ANKFN1: variants seen among roughly 807,000 people sequenced by gnomAD.
ANKFN1 encodes ankyrin repeat and fibronectin type-III domain-containing protein 1.
In ANKFN1, 74 loss-of-function variants were observed where a neutral mutation model predicts 108.7. The observed-to-expected ratio is 0.68, with a 90% confidence interval of 0.56 to 0.83. The LOEUF is 0.83. Among genes scored for constraint, ANKFN1 ranks in the 40% least tolerant of loss-of-function variants. The probability of loss-of-function intolerance (pLI) is 0.00; values close to 1 mark genes in which losing one functional copy is unlikely to be tolerated. For missense variants in ANKFN1, 1,505 were observed against 1,382.3 expected (o/e 1.09, Z -1.41); for synonymous variants, 547 against 516.2 (o/e 1.06, Z -0.81).
rs984827431 is a variant in ANKFN1, at chr17:56,512,511, C to T, written c.*1242C>T. On this transcript the variant is annotated 3_prime_UTR_variant, in exon 21 of 21. Transcript: ENST00000682825. Reference sequence around the variant, plus strand: ...GGAAATCTTGCTTTGGTCTCATTACCTCCTATCTGAATTTCTCACAGGAAT... The same window carrying T: ...GGAAATCTTGCTTTGGTCTCATTACTTCCTATCTGAATTTCTCACAGGAAT... Among the ~76,000 whole-genome samples, 1 of 152,178 alleles carries T rather than the reference C, an allele frequency of 6.6e-6. No homozygotes were observed. Among genetic ancestry groups the T allele is most frequent in the African/African-American group, 2.4e-5 (1 of 41,444 alleles).
intron 3 of ANKFN1, among the ~76,000 whole-genome samples, chr17:56,261,008 G>A (rs1452675491): frequency 6.6e-6 from 1 of 152,160 alleles, no homozygotes; most frequent in Non-Finnish European, 1.5e-5. Flanking sequence ...AACAGAGATC[G>A]GAATCTGTCC....
intron 1 of ANKFN1, among the ~76,000 whole-genome samples, chr17:56,204,924 T>C (rs1914400074): frequency 6.6e-6 from 1 of 151,596 alleles, no homozygotes; most frequent in Non-Finnish European, 1.5e-5. Flanking sequence ...AAACACAAAA[T>C]AATTAGCCAG....
chr17:56,428,545 C>T (rs969642551), intron 8 of ANKFN1, among the ~76,000 whole-genome samples: 1 of 151,264 alleles, frequency 6.6e-6, no homozygotes, highest in African/African-American at 2.4e-5. Context: ...TCACTGCAAC[C>T]TCCGCCTCCC....
At chr17:56,233,711 T>C (rs1916905287) in intron 3 of ANKFN1, among the ~76,000 whole-genome samples, 1 of 151,982 alleles carries the variant, frequency 6.6e-6, no homozygotes, top group Non-Finnish European at 1.5e-5. Flanking sequence ...TATGTTTGCC[T>C]GTGTGTACGT....
At chr17:56,104,398 C>G (rs775902144) in intron 4 of ANKFN1, among the ~76,000 whole-genome samples, 2 of 152,304 alleles carry the variant, frequency 1.3e-5, no homozygotes, top group African/African-American at 4.8e-5. Context: ...GATGAGAATG[C>G]TGAGACCCAG....
intron 19 of ANKFN1, among the ~76,000 whole-genome samples, chr17:56,495,986 G>C (rs959315980): frequency 9.2e-5 from 14 of 152,094 alleles, no homozygotes; most frequent in African/African-American, 3.4e-4. Flanking sequence ...GGGAATTCAT[G>C]GTCTTTCTTT....
At chr17:56,340,506 G>A (rs187080169) in intron 4 of ANKFN1, among the ~76,000 whole-genome samples, 179 of 152,164 alleles carry the variant, frequency 1.2e-3, no homozygotes, top group African/African-American at 4.2e-3. Context: ...AAGGGTTCCA[G>A]TTTCAGTCTT....
intron 8 of ANKFN1, among the ~76,000 whole-genome samples, chr17:56,401,221 A>G (rs1045670369): frequency 6.6e-6 from 1 of 152,128 alleles, no homozygotes; most frequent in Non-Finnish European, 1.5e-5. Context: ...ATCCATGAGC[A>G]TGGGATGTGT....
chr17:56,493,744 T>C (rs2051112117), intron 19 of ANKFN1, among the ~76,000 whole-genome samples: 1 of 152,134 alleles, frequency 6.6e-6, no homozygotes, highest in Non-Finnish European at 1.5e-5. Context: ...TGGTTGTTTA[T>C]TATAAGCATT....
chr17:56,386,481 A>G (rs1006542050), intron 8 of ANKFN1, among the ~76,000 whole-genome samples: 1 of 151,916 alleles, frequency 6.6e-6, no homozygotes, highest in Non-Finnish European at 1.5e-5. Context: ...TAATAATAAA[A>G]TAAAATAAAA....
intron 1 of ANKFN1, among the ~76,000 whole-genome samples, chr17:56,196,209 T>C (rs1913491844): frequency 6.6e-6 from 1 of 152,156 alleles, no homozygotes; most frequent in Non-Finnish European, 1.5e-5. Context: ...TTATCCATGA[T>C]TGCACCACTG....
At chr17:56,390,492 T>C (rs1405400107) in intron 8 of ANKFN1, among the ~76,000 whole-genome samples, 1 of 152,200 alleles carries the variant, frequency 6.6e-6, no homozygotes, top group Admixed American at 6.5e-5. Flanking sequence ...ATTTTAATAG[T>C]GCTATAGTAA....
intron 11 of ANKFN1, among the ~76,000 whole-genome samples, chr17:56,453,229 C>T (rs947030025): frequency 5.3e-5 from 8 of 151,750 alleles, no homozygotes; most frequent in Non-Finnish European, 1.2e-4. Flanking sequence ...CCCTTATTTG[C>T]GTGCATAGTT....
intron 20 of ANKFN1, among the ~76,000 whole-genome samples, chr17:56,501,313 T>C (rs2051361431): frequency 6.6e-6 from 1 of 152,328 alleles, no homozygotes; most frequent in South Asian, 2.1e-4. Context: ...TGGAAACTTT[T>C]AAGCAAGGAT....
rs1215283087 is a variant in ANKFN1 at position 56,372,836 on chromosome 17, T to C, written c.792T>C (p.His264=). ...LYRRMKTGFE[H]ARAPEMPTNV... ...GACGCATGAAAACAGGCTTTGAGCA[T>C]GCCAGTGAGTATAAGCAGAAAATGT... Residue 264 remains histidine (H), a synonymous_variant, in exon 7 of 21, where the codon CAT becomes CAC. Transcript: ENST00000682825. 1 of 1,612,062 alleles carries C rather than the reference T, an allele frequency of 6.2e-7. No homozygotes were observed. Among genetic ancestry groups the C allele is most frequent in the Non-Finnish European group, 8.5e-7 (1 of 1,179,458 alleles).
rs78999298 is a variant in ANKFN1, at chr17:56,084,178, A to G, written c.288+37853A>G. ...TAAGAAAGAAATAGGCACCCTCTAG[A>G]GACATATTTTGGTTAGGTTTAACCA... On this transcript the variant is annotated intron_variant, in intron 4 of 12. Coordinates refer to the ANKFN1 transcript ENST00000635860. Among the ~76,000 whole-genome samples, 837 of 151,202 alleles carry G rather than the reference A, an allele frequency of 5.5e-3. 29 individuals carry two copies. The highest frequency in any genetic ancestry group is 0.019 in the African/African-American group (794 of 41,208).
chr17:56,440,669 C>T (rs1598613795), intron 9 of ANKFN1, among the ~76,000 whole-genome samples: 1 of 152,060 alleles, frequency 6.6e-6, no homozygotes, highest in African/African-American at 2.4e-5. Context: ...CTCATGCAAG[C>T]CTTGAAAGCT....
intron 8 of ANKFN1, among the ~76,000 whole-genome samples, chr17:56,389,755 G>T (rs2047375453): frequency 6.6e-6 from 1 of 152,164 alleles, no homozygotes; most frequent in African/African-American, 2.4e-5. Flanking sequence ...TAGACCCATG[G>T]AGTAATAAGA....
chr17:56,396,053 A>C (rs1041019960), intron 8 of ANKFN1, among the ~76,000 whole-genome samples: 1 of 152,152 alleles, frequency 6.6e-6, no homozygotes, highest in Admixed American at 6.5e-5. Context: ...AAAACAAAAA[A>C]AACAAAAAAA....
Sources: gnomAD v4.1 joint callset for allele counts (sites outside exome capture counted in the v4.1 genomes callset) on GRCh38, gnomAD v4.1.1 for gene constraint, MANE v1.5 for transcripts, NCBI Gene and HGNC (gene_info 2026-07-23, HGNC 2026-07-21) for gene names.